The following PPP2R2D variants were observed in gnomAD, a reference collection of about 807,000 sequenced individuals.
PPP2R2D encodes serine/threonine-protein phosphatase 2A 55 kDa regulatory subunit B delta isoform.
In PPP2R2D, 9 loss-of-function variants were observed where a neutral mutation model predicts 31.1. The ratio of observed to expected loss-of-function variants is 0.29; its 90% CI spans 0.17 to 0.51. The LOEUF (loss-of-function observed/expected upper bound fraction) is 0.51, where lower values mean the gene tolerates loss of function less well. Among genes scored for constraint, PPP2R2D ranks in the 20% least tolerant of loss-of-function variants. PPP2R2D has a pLI of 0.98. For synonymous variants in PPP2R2D, 179 were observed against 172.6 expected (o/e 1.04, Z -0.29); for missense variants, 391 against 465.6 (o/e 0.84, Z 1.48).
intron 6 of PPP2R2D, 47 bp downstream of exon 6, chr10:131,944,192 T>C (rs782311326): frequency 6.7e-7 from 1 of 1,499,166 alleles, no homozygotes. Flanking sequence ...GGGTGCTCTT[T>C]AGATAGTAAT....
At chr10:131,961,804 G>A (rs1176474299), downstream of PPP2R2D, among the ~76,000 whole-genome samples, 9 of 151,828 alleles carry the variant, frequency 5.9e-5, no homozygotes, top group African/African-American at 1.7e-4. Flanking sequence ...TACCCAGGAC[G>A]GGAACCCACA....
intron 2 of PPP2R2D, among the ~76,000 whole-genome samples, chr10:131,914,968 C>G (rs1433729767): frequency 6.6e-6 from 1 of 152,158 alleles, no homozygotes; most frequent in Non-Finnish European, 1.5e-5. Flanking sequence ...AGGTTTTTCT[C>G]TCCGTGCACC....
chr10:131,936,908 G>A (rs1236880446), intron 3 of PPP2R2D, among the ~76,000 whole-genome samples: 1 of 152,218 alleles, frequency 6.6e-6, no homozygotes, highest in Non-Finnish European at 1.5e-5. Flanking sequence ...TGCCCCATGT[G>A]CCCTTCCCTG....
chr10:131,927,243 G>A (rs962547012), intron 2 of PPP2R2D, among the ~76,000 whole-genome samples: 3 of 152,068 alleles, frequency 2.0e-5, no homozygotes, highest in Non-Finnish European at 2.9e-5. Flanking sequence ...GGGAGGAGCC[G>A]TGGTCTGGGA....
At chr10:131,920,541 T>C (rs2035965454) in intron 2 of PPP2R2D, among the ~76,000 whole-genome samples, 1 of 152,266 alleles carries the variant, frequency 6.6e-6, no homozygotes, top group Admixed American at 6.5e-5. Flanking sequence ...TCAGCCATAT[T>C]GTAGCATATG....
At chr10:131,938,621 A>G (rs1288903484) in intron 3 of PPP2R2D, among the ~76,000 whole-genome samples, 2 of 152,224 alleles carry the variant, frequency 1.3e-5, no homozygotes, top group African/African-American at 4.8e-5. Context: ...CTTCCCAAGC[A>G]TGTTTCTCCA....
chr10:131,971,007 C>T, the PPP2R2D span: 1 of 1,585,470 alleles, frequency 6.3e-7, no homozygotes, highest in Non-Finnish European at 8.6e-7. Flanking sequence ...GATCAGTGTA[C>T]CACACGTGAC....
intron 2 of PPP2R2D, among the ~76,000 whole-genome samples, chr10:131,923,434 A>G (rs540569134): frequency 3.3e-5 from 5 of 152,236 alleles, no homozygotes; most frequent in African/African-American, 1.2e-4. Flanking sequence ...TTTTGTATAG[A>G]CATGTGTTTT....
intron 2 of PPP2R2D, among the ~76,000 whole-genome samples, chr10:131,906,791 G>T (rs1021110305): frequency 1.1e-4 from 17 of 150,282 alleles, no homozygotes; most frequent in Non-Finnish European, 1.3e-4. Flanking sequence ...AATTCGGGAC[G>T]TTTGCCAGGT....
At chr10:131,941,563 T>A (rs1218368422) in intron 5 of PPP2R2D, among the ~76,000 whole-genome samples, 1 of 151,666 alleles carries the variant, frequency 6.6e-6, no homozygotes, top group African/African-American at 2.4e-5. Flanking sequence ...GGGGGGTGGG[T>A]GGTTGAGTTG....
intron 8 of PPP2R2D, among the ~76,000 whole-genome samples, chr10:131,949,271 A>G (rs1401824778): frequency 6.6e-6 from 1 of 152,202 alleles, no homozygotes; most frequent in African/African-American, 2.4e-5. Flanking sequence ...GGAGAACCCC[A>G]CTGCTTTCAC....
intron 2 of PPP2R2D, among the ~76,000 whole-genome samples, chr10:131,929,101 G>C (rs538629888): frequency 6.6e-6 from 1 of 152,330 alleles, no homozygotes; most frequent in South Asian, 2.1e-4. Context: ...GATGACCCCA[G>C]ACGGCCTTGT....
chr10:131,927,910 G>C (rs2036138597), intron 2 of PPP2R2D, among the ~76,000 whole-genome samples: 1 of 152,190 alleles, frequency 6.6e-6, no homozygotes, highest in Admixed American at 6.5e-5. Context: ...TCTCGTAAGT[G>C]GTTCAGTGAT....
intron 2 of PPP2R2D, among the ~76,000 whole-genome samples, chr10:131,910,317 A>G (rs1313930003): frequency 6.6e-6 from 1 of 152,200 alleles, no homozygotes. Flanking sequence ...ATGTTAACAC[A>G]TTCCATTATG....
At chr10:131,932,571 A>T (rs1019722790) in intron 2 of PPP2R2D, among the ~76,000 whole-genome samples, 1 of 148,506 alleles carries the variant, frequency 6.7e-6, no homozygotes, top group Non-Finnish European at 1.5e-5. Context: ...GGAGGCTGAG[A>T]CATGAGAATC....
chr10:131,956,730 C>A lies in PPP2R2D; in HGVS notation c.*767C>A. The A allele has an allele frequency of 7.0e-6, 2 of 285,472 alleles. No individual in the cohort carries two copies. The highest frequency in any genetic ancestry group is 1.1e-5 in the Non-Finnish European group (2 of 190,044). The allele number at this position is 285,472 out of a possible 1,614,324, so 17.7% of individuals were successfully genotyped here. On this transcript the variant is annotated 3_prime_UTR_variant, in exon 9 of 9. Transcript: ENST00000455566. Reference sequence around the variant, plus strand: ...TTCTGTAGAAGTAGCCCATCAGATACACCAGGTAAGGTCTGGGAAAAGCCA... The same window carrying A: ...TTCTGTAGAAGTAGCCCATCAGATAAACCAGGTAAGGTCTGGGAAAAGCCA...
At chr10:131,901,809 A>T (rs2035503736) in intron 2 of PPP2R2D, among the ~76,000 whole-genome samples, 1 of 152,130 alleles carries the variant, frequency 6.6e-6, no homozygotes, top group South Asian at 2.1e-4. Context: ...TCTGCGTTTC[A>T]TCGGCGGTGC....
chr10:131,939,987 C>T (rs782104087), intron 3 of PPP2R2D, 44 bp from the exon 4 acceptor site: 26 of 554,752 alleles, frequency 4.7e-5, no homozygotes, highest in Admixed American at 1.3e-4. Flanking sequence ...ATTTTCTCTA[C>T]ACTGTGCTTT....
rs908707010 is a variant in PPP2R2D, at chr10:131,914,287, G to A, written c.100+12957G>A. Among the ~76,000 whole-genome samples the A allele has an allele frequency of 5.3e-5, 8 of 152,342 alleles. No homozygotes were observed. In the East Asian group the frequency reaches 1.3e-3, roughly 26 times the overall value. ...AGGCAGGAGGATCCCTTGAGCCCAG[G>A]AGGTCAAGGCTGCTGTGAGCTGTGA... is the stretch of plus-strand genomic sequence containing the variant. On this transcript the variant is annotated intron_variant, in intron 2 of 8. Transcript: ENST00000455566.
Sources: allele counts gnomAD v4.1 joint callset (sites outside exome capture counted in the v4.1 genomes callset), GRCh38; gene constraint gnomAD v4.1.1; transcripts MANE v1.5; gene names NCBI Gene and HGNC (gene_info 2026-07-23, HGNC 2026-07-21).